The following NEMP2 variants were observed in gnomAD, a reference collection of about 807,000 sequenced individuals.
NEMP2 encodes nuclear envelope integral membrane protein 2.
NEMP2 carries 53 observed loss-of-function variants against 54.2 expected under a neutral mutation model. The ratio of observed to expected loss-of-function variants is 0.98; its 90% CI spans 0.78 to 1.23. The LOEUF (loss-of-function observed/expected upper bound fraction) is 1.23. Ranked by LOEUF, NEMP2 falls within the 50% of genes most tolerant of loss-of-function variation. NEMP2 has a pLI of 0.00. For synonymous variants in NEMP2, 197 were observed against 190.3 expected, an observed-to-expected ratio of 1.04 and a Z score of -0.29; for missense variants, 455 against 511.3, an observed-to-expected ratio of 0.89 and a Z score of 1.06.
the NEMP2 span, among the ~76,000 whole-genome samples, chr2:190,461,685 C>T: frequency 6.6e-6 from 1 of 152,162 alleles, no homozygotes; most frequent in Admixed American, 6.5e-5. This position sits in a 1 kb window ranked among gnomAD's most constrained non-coding sequence, Gnocchi z 5.5. Flanking sequence ...ACAGCTCCCT[C>T]ACACCTCTTT....
chr2:190,618,224 G>A, the NEMP2 span, among the ~76,000 whole-genome samples: 1 of 152,172 alleles, frequency 6.6e-6, no homozygotes, highest in African/African-American at 2.4e-5. Flanking sequence ...TTTGTTTAGT[G>A]TAGACCGAGT....
At chr2:190,497,598 A>C in the NEMP2 span, 1 of 1,614,186 alleles carries the variant, frequency 6.2e-7, no homozygotes, top group Non-Finnish European at 8.5e-7. This position sits in a 1 kb window ranked among gnomAD's most constrained non-coding sequence, Gnocchi z 5.2. Context: ...GAAGATGTGA[A>C]CAAACCAGCC....
the NEMP2 span, among the ~76,000 whole-genome samples, chr2:190,463,420 A>C: frequency 2.8e-4 from 43 of 152,226 alleles, no homozygotes; most frequent in African/African-American, 9.6e-4. This position sits in a 1 kb window ranked among gnomAD's most constrained non-coding sequence, Gnocchi z 4.4. Flanking sequence ...AGGAGTCTCC[A>C]CTCTAATCAG....
At chr2:190,469,896 C>T in the NEMP2 span, 1 of 1,454,148 alleles carries the variant, frequency 6.9e-7, no homozygotes, top group South Asian at 1.2e-5. The surrounding 1 kb of genome is among the most constrained non-coding windows in gnomAD (Gnocchi z 5.3). Context: ...CTCTGCCTTC[C>T]CTGAGCTGTG....
the NEMP2 span, chr2:190,648,596 T>G: frequency 6.7e-6 from 1 of 148,760 alleles, no homozygotes; most frequent in Non-Finnish European, 1.5e-5. Flanking sequence ...AAATACTATA[T>G]CGGGAACCTC....
the NEMP2 span, among the ~76,000 whole-genome samples, chr2:190,458,823 T>A: frequency 6.6e-6 from 1 of 152,166 alleles, no homozygotes; most frequent in Non-Finnish European, 1.5e-5. This position sits in a 1 kb window ranked among gnomAD's most constrained non-coding sequence, Gnocchi z 5.3. Flanking sequence ...GATGACGCGA[T>A]CAGAACCTGC....
the NEMP2 span, among the ~76,000 whole-genome samples, chr2:190,554,037 C>T: frequency 5.8e-4 from 89 of 152,284 alleles, no homozygotes; most frequent in South Asian, 4.1e-4. The surrounding 1 kb of genome is among the most constrained non-coding windows in gnomAD (Gnocchi z 5.7). Context: ...GGTGGGGCAT[C>T]GCCTCATCCG....
the NEMP2 span, among the ~76,000 whole-genome samples, chr2:190,595,697 A>T: frequency 5.3e-3 from 814 of 152,344 alleles, 11 homozygotes; most frequent in African/African-American, 0.019. The surrounding 1 kb of genome is among the most constrained non-coding windows in gnomAD (Gnocchi z 4.0). Flanking sequence ...AACCACAACG[A>T]GATACCATCT....
At chr2:190,479,264 A>C in the NEMP2 span, among the ~76,000 whole-genome samples, 4 of 152,208 alleles carry the variant, frequency 2.6e-5, no homozygotes, top group Admixed American at 2.0e-4. Flanking sequence ...TCTTGCAGCT[A>C]TATCTTTTTA....
At chr2:190,636,183 G>A in the NEMP2 span, among the ~76,000 whole-genome samples, 3 of 152,222 alleles carry the variant, frequency 2.0e-5, no homozygotes, top group East Asian at 3.8e-4. Flanking sequence ...ACTTTGTGCT[G>A]TCAGACTTTT....
At chr2:190,487,665 C>T in the NEMP2 span, among the ~76,000 whole-genome samples, 1 of 152,096 alleles carries the variant, frequency 6.6e-6, no homozygotes, top group Admixed American at 6.5e-5. This position sits in a 1 kb window ranked among gnomAD's most constrained non-coding sequence, Gnocchi z 5.5. Context: ...ACATCACTAG[C>T]TATTAGGGGA....
chr2:190,566,401 T>C, the NEMP2 span, among the ~76,000 whole-genome samples: 1 of 152,012 alleles, frequency 6.6e-6, no homozygotes, highest in Non-Finnish European at 1.5e-5. Context: ...GGAGGATCAC[T>C]TGAGCCCAGG....
chr2:190,564,428 A>G, the NEMP2 span, among the ~76,000 whole-genome samples: 2 of 152,158 alleles, frequency 1.3e-5, no homozygotes, highest in East Asian at 1.9e-4. This position sits in a 1 kb window ranked among gnomAD's most constrained non-coding sequence, Gnocchi z 4.2. Context: ...AATTTTATTC[A>G]ATTTTATATG....
the NEMP2 span, among the ~76,000 whole-genome samples, chr2:190,455,281 A>G: frequency 1.1e-5 from 1 of 91,426 alleles, no homozygotes; most frequent in African/African-American, 2.9e-5. Context: ...TCATAGCTCT[A>G]TTAATTAAAT....
chr2:190,566,046 C>T, the NEMP2 span, among the ~76,000 whole-genome samples: 10 of 143,806 alleles, frequency 7.0e-5, no homozygotes, highest in Admixed American at 6.8e-4. Context: ...CTGGGCAAGG[C>T]AGCTCTGCAC....
At chr2:190,434,026 T>C in the NEMP2 span, among the ~76,000 whole-genome samples, 3 of 151,958 alleles carry the variant, frequency 2.0e-5, 1 homozygote, top group South Asian at 4.2e-4. The surrounding 1 kb of genome is among the most constrained non-coding windows in gnomAD (Gnocchi z 4.3). Context: ...ACCCCATCTC[T>C]ACAAAAATTA....
chr2:190,532,322 T>A (rs1188573802), intron 1 of NEMP2, among the ~76,000 whole-genome samples: 3 of 152,178 alleles, frequency 2.0e-5, no homozygotes, highest in Non-Finnish European at 4.4e-5. Flanking sequence ...AGAATGAAAC[T>A]GGAATTAGTA....
At chr2:190,626,127 C>T in the NEMP2 span, 2 of 152,146 alleles carry the variant, frequency 1.3e-5, no homozygotes, top group Non-Finnish European at 2.9e-5. The surrounding 1 kb of genome is among the most constrained non-coding windows in gnomAD (Gnocchi z 4.5). Flanking sequence ...GGTGAAAGAG[C>T]TCTCTGGGTC....
the NEMP2 span, among the ~76,000 whole-genome samples, chr2:190,552,042 C>T: frequency 2.0e-5 from 3 of 152,170 alleles, no homozygotes; most frequent in African/African-American, 7.2e-5. Flanking sequence ...AGAGAGAAAT[C>T]GTAAGATCTA....
Sources: allele counts gnomAD v4.1 joint callset (sites outside exome capture counted in the v4.1 genomes callset), GRCh38; gene constraint gnomAD v4.1.1; non-coding constraint Gnocchi (gnomAD v3.1); transcripts MANE v1.5; gene names NCBI Gene and HGNC (gene_info 2026-07-23, HGNC 2026-07-21).